YIF1B: variants seen among roughly 807,000 people sequenced by gnomAD.
YIF1B encodes protein YIF1B.
YIF1B carries 24 observed loss-of-function variants against 34.6 expected under a neutral mutation model. The observed-to-expected ratio is 0.69, with a 90% confidence interval of 0.50 to 0.98. YIF1B has a LOEUF of 0.98. Among genes scored for constraint, YIF1B ranks in the 50% least tolerant of loss-of-function variants. The pLI is 0.00. For missense variants in YIF1B, 368 were observed against 429.4 expected, an observed-to-expected ratio of 0.86 and a Z score of 1.26; for synonymous variants, 186 against 184.8, an observed-to-expected ratio of 1.01 and a Z score of -0.05.
At chr19:38,307,862 A>G (rs549547737) in intron 5 of YIF1B, 110 bp from the exon 6 acceptor site, 1 of 1,398,172 alleles carries the variant, frequency 7.2e-7, no homozygotes, top group African/African-American at 1.4e-5. Context: ...GGCAGTGACC[A>G]AGATGGATGT....
chr19:38,315,709 C>G, intron 1 of YIF1B, 151 bp downstream of exon 1: 1 of 1,608,708 alleles, frequency 6.2e-7, no homozygotes, highest in Non-Finnish European at 8.5e-7. Flanking sequence ...CCCCAAGGGG[C>G]CTCCTACCCG....
chr19:38,309,643 G>C lies in YIF1B; in HGVS notation c.59C>G (p.Pro20Arg), dbSNP rs142047616. 1,055 of 1,596,946 alleles carry C rather than the reference G, an allele frequency of 6.6e-4. 1 individual carries two copies. The highest frequency in any genetic ancestry group is 8.4e-4 in the Non-Finnish European group (991 of 1,173,740). Residue 20 changes from proline to arginine, a missense_variant and splice_region_variant, in exon 2 of 8, where the codon CCC becomes CGC. Physicochemically the swap from Pro to Arg is moderately radical, Grantham distance 103. Transcript: ENST00000339413. ...AAGTPRLRKWPSKRRIPVSQP... is the reference protein window; with the variant it reads ...AAGTPRLRKWRSKRRIPVSQP... The stretch of plus-strand genomic sequence containing the variant: ...GGACACAGGGATCCTCCGCTTCGAG[G>C]CTGCAAGGGAAGAGAGTGAGAAGGA...
chr19:38,316,111 A>C (rs548983701), upstream of YIF1B: 6 of 815,042 alleles, frequency 7.4e-6, no homozygotes, highest in African/African-American at 1.1e-4. Flanking sequence ...AGAGGCGGAG[A>C]CTGGGCTACT....
Position 38,304,846 on chromosome 19 carries a change from C to T in YIF1B, c.*506G>A. 2.5e-6 allele frequency: 4 copies of T among 1,613,722 alleles called. No individual in the cohort carries two copies. The highest frequency in any genetic ancestry group is 3.4e-6 in the Non-Finnish European group (4 of 1,179,988). On this transcript the variant is annotated 3_prime_UTR_variant, in exon 8 of 8. Coordinates refer to ENST00000339413, the MANE Select transcript of YIF1B (RefSeq NM_001039672.3). ...CCATCCCTGCCCTCGGCCCCACAGT[C>T]CCACGCTGCTGGCTCCAAGCAGCAC...
upstream of YIF1B, chr19:38,319,973 C>T (rs777638632): frequency 2.1e-6 from 3 of 1,463,274 alleles, no homozygotes; most frequent in Middle Eastern, 2.4e-4. Flanking sequence ...GCGCTTCTGG[C>T]GGGCGCCTTG....
upstream of YIF1B, among the ~76,000 whole-genome samples, chr19:38,318,627 G>A (rs912943631): frequency 1.3e-5 from 2 of 152,176 alleles, no homozygotes; most frequent in African/African-American, 2.4e-5. Context: ...GTAAGCCTTC[G>A]ATCACTGGCA....
At chr19:38,316,326 T>G (rs917717399), upstream of YIF1B, among the ~76,000 whole-genome samples, 2 of 149,492 alleles carry the variant, frequency 1.3e-5, no homozygotes, top group Non-Finnish European at 3.0e-5. Context: ...AGCAACATAG[T>G]GACCCTCGCC....
At position 38,308,531 on chromosome 19, in the gene YIF1B, G is replaced by A. The variant is rs371409425; in HGVS notation, c.539+261C>T. ...ACAGAGGGAGGATGAGGATGGGTCTGGTAGTAGAGGCCAAGAGGAAGGGTG... is the reference window on the plus strand; with the variant it reads ...ACAGAGGGAGGATGAGGATGGGTCTAGTAGTAGAGGCCAAGAGGAAGGGTG... On this transcript the variant is annotated intron_variant, in intron 5 of 7. Transcript: ENST00000339413. Among the ~76,000 whole-genome samples, 8 of 152,166 alleles carry A rather than the reference G, an allele frequency of 5.3e-5. No homozygotes were observed. The South Asian group carries it at 1.2e-3, about 24-fold the overall frequency.
chr19:38,306,002 G>A (rs1283063890), intron 7 of YIF1B, among the ~76,000 whole-genome samples: 7 of 152,166 alleles, frequency 4.6e-5, no homozygotes, highest in East Asian at 3.9e-4. Context: ...AGGAGATTGA[G>A]ACCATCCTGG....
At chr19:38,306,509 C>T (rs1382425954) in intron 7 of YIF1B, among the ~76,000 whole-genome samples, 1 of 152,066 alleles carries the variant, frequency 6.6e-6, no homozygotes, top group African/African-American at 2.4e-5. Context: ...CGTGCTTGGC[C>T]TAAACTTTTA....
At chr19:38,319,274 A>C (rs570779597), upstream of YIF1B, among the ~76,000 whole-genome samples, 2 of 151,932 alleles carry the variant, frequency 1.3e-5, no homozygotes, top group Admixed American at 1.3e-4. Flanking sequence ...TCCCAGTTAG[A>C]CTGGGAGCCC....
chr19:38,318,393 C>T (rs1457113883), upstream of YIF1B, among the ~76,000 whole-genome samples: 3 of 152,052 alleles, frequency 2.0e-5, no homozygotes, highest in African/African-American at 7.2e-5. Context: ...AAACGATCCT[C>T]CTGCCTCAGC....
At chr19:38,307,798 C>T (rs760536721) in intron 5 of YIF1B, 46 bp from the exon 6 acceptor site, 1 of 1,602,140 alleles carries the variant, frequency 6.2e-7, no homozygotes, top group Non-Finnish European at 8.5e-7. Context: ...TTCAGACCCC[C>T]CACCCCCAGC....
chr19:38,319,282 C>T (rs1712055737), upstream of YIF1B, among the ~76,000 whole-genome samples: 2 of 152,068 alleles, frequency 1.3e-5, no homozygotes, highest in Admixed American at 6.6e-5. Flanking sequence ...AGACTGGGAG[C>T]CCCATGAATG....
In YIF1B at chr19:38,309,545, G is replaced by A; in HGVS notation, c.157C>T (p.Gln53Ter). 6.2e-7 allele frequency: 1 copy of A among 1,604,094 alleles called. No individual in the cohort carries two copies. Among genetic ancestry groups the A allele is most frequent in the Non-Finnish European group, 8.5e-7 (1 of 1,175,770 alleles). Reference sequence around the variant, plus strand: ...TAACTCAGGCCACCAGGTGCCCGCTGGGCCCCATAGCCCCGGCTCTGGGCT... The same window carrying A: ...TAACTCAGGCCACCAGGTGCCCGCTAGGCCCCATAGCCCCGGCTCTGGGCT... The part of the protein sequence containing the change: ...SSAQSRGYGA[Q>*]RAPGGLSYPA... The change falls in exon 2 of 8, where the codon CAG becomes TAG. Residue 53 changes from glutamine (Q) to a stop codon, truncating the protein, a stop_gained. Transcript: ENST00000339413. LOFTEE classifies it high-confidence loss of function.
upstream of YIF1B, among the ~76,000 whole-genome samples, chr19:38,318,310 G>C (rs1969606548): frequency 6.6e-6 from 1 of 151,142 alleles, no homozygotes; most frequent in East Asian, 1.9e-4. Context: ...TTTGAGGCAG[G>C]GTCTACTCTA....
Position 38,304,748 on chromosome 19 carries a change from A to G in YIF1B, c.*604T>C, listed in dbSNP as rs934269807. The G allele has an allele frequency of 9.9e-6, 16 of 1,610,470 alleles. No homozygotes were observed. In the African/African-American group the frequency reaches 2.1e-4, roughly 22 times the overall value. On this transcript the variant is annotated 3_prime_UTR_variant, in exon 8 of 8. Transcript: ENST00000339413. Reference sequence around the variant, plus strand: ...CTGCACCCCAGAGAGGCGTCCCCGCACTGGGGCTGGCGGGGAGGGTGCGGG... The same window carrying G: ...CTGCACCCCAGAGAGGCGTCCCCGCGCTGGGGCTGGCGGGGAGGGTGCGGG...
chr19:38,315,561 TG>T, intron 1 of YIF1B: 2 of 1,469,456 alleles, frequency 1.4e-6, no homozygotes, highest in Non-Finnish European at 1.8e-6. Context: ...AGGCGGGTAC[TG>T]GGGAGCCACG....
chr19:38,309,104 C>A, intron 3 of YIF1B, 47 bp from the exon 4 acceptor site: 1 of 1,557,746 alleles, frequency 6.4e-7, no homozygotes, highest in Non-Finnish European at 8.7e-7. Context: ...CAGGCCCCTC[C>A]CACCCTGCTA....
Sources: gnomAD v4.1 joint callset for allele counts (sites outside exome capture counted in the v4.1 genomes callset) on GRCh38, gnomAD v4.1.1 for gene constraint, MANE v1.5 for transcripts, NCBI Gene and HGNC (gene_info 2026-07-23, HGNC 2026-07-21) for gene names.